The following ITGA8 variants were observed in gnomAD, a reference collection of about 807,000 sequenced individuals.
The protein encoded by ITGA8 is integrin alpha-8.
A neutral mutation model predicts 142.3 loss-of-function variants in ITGA8; 91 were observed. That is an observed-to-expected ratio of 0.64 (90% CI 0.54 to 0.76). The LOEUF is 0.76. ITGA8 is among the 30% of genes least tolerant of loss of function. ITGA8 has a pLI of 0.00. For missense variants in ITGA8, 1,406 were observed against 1,327.7 expected (o/e 1.06, Z -0.92); for synonymous variants, 505 against 485.2 (o/e 1.04, Z -0.54).
chr10:15,632,765 A>T (rs10904605), intron 13 of ITGA8, among the ~76,000 whole-genome samples: 100,343 of 151,866 alleles, frequency 0.66, 35,200 homozygotes, highest in South Asian at 0.86. Flanking sequence ...TTGTTAACCA[A>T]TTTTTAACAC....
At chr10:15,559,417 A>G (rs1833937476) in intron 25 of ITGA8, among the ~76,000 whole-genome samples, 1 of 152,216 alleles carries the variant, frequency 6.6e-6, no homozygotes. Context: ...CAGATGAGAA[A>G]ATGGAAAACA....
intron 13 of ITGA8, among the ~76,000 whole-genome samples, chr10:15,643,427 G>T (rs369873759): frequency 6.6e-6 from 1 of 152,220 alleles, no homozygotes; most frequent in East Asian, 1.9e-4. Flanking sequence ...CTACAGGCAT[G>T]CATCACCATG....
intron 2 of ITGA8, among the ~76,000 whole-genome samples, chr10:15,715,762 G>A (rs1306175876): frequency 1.3e-5 from 2 of 152,226 alleles, no homozygotes. Flanking sequence ...CGAAGTGGAT[G>A]TTCAGAATGG....
intron 23 of ITGA8, among the ~76,000 whole-genome samples, chr10:15,583,768 A>G (rs1834459828): frequency 6.6e-6 from 1 of 152,162 alleles, no homozygotes; most frequent in Admixed American, 6.5e-5. Context: ...ACTGTTCTAT[A>G]TTGTATGTTC....
chr10:15,627,530 A>T (rs755158478), intron 13 of ITGA8, among the ~76,000 whole-genome samples: 4 of 152,226 alleles, frequency 2.6e-5, no homozygotes, highest in Non-Finnish European at 5.9e-5. Context: ...GTTGGCATAT[A>T]GAAAGAAGAG....
Position 15,613,647 on chromosome 10 carries a change from C to T in ITGA8, c.1553+13G>A, listed in dbSNP as rs757775366. 94 of 1,545,710 alleles carry T rather than the reference C, an allele frequency of 6.1e-5. No individual in the cohort carries two copies. Among genetic ancestry groups the T allele is most frequent in the Non-Finnish European group, 8.0e-5 (89 of 1,118,282 alleles). On this transcript the variant is annotated intron_variant, in intron 15 of 29. Coordinates refer to ENST00000378076, the MANE Select transcript of ITGA8 (RefSeq NM_003638.3). ...ATTCACATTGGAGTTTGAGAAGCAC[C>T]GGACTAACTCACCAGGCAGCAGATG...
At chr10:15,596,405 T>C (rs1436519240) in intron 21 of ITGA8, 1 of 152,194 alleles carries the variant, frequency 6.6e-6, no homozygotes, top group Admixed American at 6.5e-5. Context: ...ACAGGGTTGT[T>C]TTGAAAATTC....
chr10:15,582,631 A>G (rs188921678), intron 23 of ITGA8, among the ~76,000 whole-genome samples: 1 of 152,260 alleles, frequency 6.6e-6, no homozygotes, highest in East Asian at 1.9e-4. Context: ...ATTTGAAGGG[A>G]TACTTCACCA....
intron 8 of ITGA8, among the ~76,000 whole-genome samples, chr10:15,663,125 C>T (rs1192901524): frequency 1.2e-5 from 1 of 85,560 alleles, no homozygotes; most frequent in African/African-American, 3.2e-5. Context: ...CATTGAAGTG[C>T]TCACTGTTTT....
chr10:15,518,536 C>T (rs769266641), intron 29 of ITGA8, among the ~76,000 whole-genome samples: 2 of 152,172 alleles, frequency 1.3e-5, no homozygotes, highest in East Asian at 1.9e-4. Context: ...AAAATAAAAG[C>T]GCACTATGAT....
chr10:15,594,179 G>A (rs555777438), intron 21 of ITGA8, among the ~76,000 whole-genome samples: 1 of 151,954 alleles, frequency 6.6e-6, no homozygotes, highest in African/African-American at 2.4e-5. Context: ...GCAATTTTCT[G>A]TCAGGCTCTT....
chr10:15,660,841 A>G (rs753990888), intron 9 of ITGA8, 38 bp downstream of exon 9: 8 of 1,558,122 alleles, frequency 5.1e-6, no homozygotes, highest in Middle Eastern at 3.3e-4. Flanking sequence ...CCTATACAAG[A>G]AAATACCCTA....
chr10:15,687,509 A>C (rs1317593464), intron 3 of ITGA8, among the ~76,000 whole-genome samples: 1 of 152,212 alleles, frequency 6.6e-6, no homozygotes, highest in Non-Finnish European at 1.5e-5. Flanking sequence ...AGCCGTTTAA[A>C]AATTATTATG....
intron 13 of ITGA8, among the ~76,000 whole-genome samples, chr10:15,628,435 C>T (rs918687242): frequency 2.8e-5 from 4 of 142,334 alleles, no homozygotes; most frequent in Non-Finnish European, 4.5e-5. Context: ...TGGGTTCACG[C>T]CATTCTCCTG....
chr10:15,644,328 T>A, intron 12 of ITGA8, 107 bp from the exon 13 acceptor site: 1 of 1,053,718 alleles, frequency 9.5e-7, no homozygotes, highest in Non-Finnish European at 1.4e-6. Context: ...AGTGCAGTGG[T>A]GGGATCATGG....
chr10:15,648,385 T>A (rs1834025744), intron 11 of ITGA8, among the ~76,000 whole-genome samples: 1 of 151,176 alleles, frequency 6.6e-6, no homozygotes, highest in African/African-American at 2.4e-5. Context: ...TTAATATAAT[T>A]GAGTTATAAT....
chr10:15,630,617 C>A (rs960071869), intron 13 of ITGA8, among the ~76,000 whole-genome samples: 1 of 151,902 alleles, frequency 6.6e-6, no homozygotes, highest in Non-Finnish European at 1.5e-5. Context: ...GAAATGAACT[C>A]CTGGGAAAAT....
intron 8 of ITGA8, among the ~76,000 whole-genome samples, chr10:15,665,265 A>G (rs1834365837): frequency 6.6e-6 from 1 of 152,206 alleles, no homozygotes; most frequent in Admixed American, 6.5e-5. Context: ...TCTGATGGCC[A>G]GTGATGATGA....
At chr10:15,598,977 G>A (rs1238865667) in intron 20 of ITGA8, among the ~76,000 whole-genome samples, 2 of 151,982 alleles carry the variant, frequency 1.3e-5, no homozygotes, top group African/African-American at 2.4e-5. Context: ...CTTTGTGTTG[G>A]GATTATTAAC....
Sources: allele counts gnomAD v4.1 joint callset (sites outside exome capture counted in the v4.1 genomes callset), GRCh38; gene constraint gnomAD v4.1.1; transcripts MANE v1.5; gene names NCBI Gene and HGNC (gene_info 2026-07-23, HGNC 2026-07-21).